Variants in PRKCH observed in about 807,000 individuals in gnomAD.
PRKCH encodes the protein protein kinase C eta type.
A neutral mutation model predicts 82.5 loss-of-function variants in PRKCH; 28 were observed. The ratio of observed to expected loss-of-function variants is 0.34; its 90% confidence interval spans 0.25 to 0.47. The LOEUF (loss-of-function observed/expected upper bound fraction) is 0.47. Among genes scored for constraint, PRKCH ranks in the 20% least tolerant of loss-of-function variants. The pLI is 1.00. For missense variants in PRKCH, 705 were observed against 881.8 expected (o/e 0.80, Z 2.54); for synonymous variants, 322 against 327.4 (o/e 0.98, Z 0.18).
chr14:61,211,849 TG>T (rs1377083874), intron 1 of PRKCH, among the ~76,000 whole-genome samples: 1 of 152,114 alleles, frequency 6.6e-6, no homozygotes, highest in African/African-American at 2.4e-5. Context: ...TAAAATCCCT[TG>T]AAACTCAGAG....
rs113969377 is a variant in PRKCH at position 61,352,658 on chromosome 14, AAG to A, written c.363+30216_363+30217del. Among the ~76,000 whole-genome samples, 1,134 of 138,814 alleles carry A rather than the reference AAG, an allele frequency of 8.2e-3. 16 individuals are homozygous for A. Among genetic ancestry groups the A allele is most frequent in the African/African-American group, 0.03 (1,064 of 35,418 alleles). The allele number at this position is 138,814 out of a possible 152,430, so 91.1% of individuals were successfully genotyped here. A position where few individuals can be genotyped will look rare whatever the true frequency, so the allele number is the denominator to read the frequency against. ...CCATCTCAAAAGAAAGAAAGAAAGA[AAG>A]AGAGAGAGAGAGAGAGAGAGAAAGG... On this transcript the variant is annotated intron_variant, in intron 1 of 13. Coordinates refer to ENST00000332981, the MANE Select transcript of PRKCH (RefSeq NM_006255.5).
chr14:61,206,721 G>A (rs541888416), intron 1 of PRKCH, among the ~76,000 whole-genome samples: 3 of 152,222 alleles, frequency 2.0e-5, no homozygotes, highest in African/African-American at 7.2e-5. Context: ...CCAGAGAAAG[G>A]TGAAGGTGAC....
chr14:61,459,681 A>G (rs955573250), intron 9 of PRKCH, among the ~76,000 whole-genome samples: 12 of 152,240 alleles, frequency 7.9e-5, no homozygotes, highest in Non-Finnish European at 1.8e-4. Flanking sequence ...CCAAATATTC[A>G]TATCCTTTCT....
intron 1 of PRKCH, among the ~76,000 whole-genome samples, chr14:61,227,335 C>A (rs111249588): frequency 7.2e-5 from 11 of 152,358 alleles, no homozygotes; most frequent in African/African-American, 2.6e-4. Flanking sequence ...TGGCTCACGC[C>A]TGTAATCCCA....
At chr14:61,321,264 G>A (rs2045615973), upstream of PRKCH, among the ~76,000 whole-genome samples, 1 of 152,218 alleles carries the variant, frequency 6.6e-6, no homozygotes, top group Non-Finnish European at 1.5e-5. This position sits in a 1 kb window ranked among gnomAD's most constrained non-coding sequence, Gnocchi z 4.1. Context: ...ACTCCTCGCC[G>A]CGCGGGTTCC....
intron 1 of PRKCH, among the ~76,000 whole-genome samples, chr14:61,226,216 G>A (rs950568536): frequency 1.3e-5 from 2 of 152,146 alleles, no homozygotes; most frequent in Non-Finnish European, 2.9e-5. Flanking sequence ...TCTGAGCCAG[G>A]CACTGTGTTA....
chr14:61,475,082 TGTG>T (rs1166770400), intron 9 of PRKCH, among the ~76,000 whole-genome samples: 3 of 152,214 alleles, frequency 2.0e-5, no homozygotes, highest in Admixed American at 2.0e-4. Context: ...GAAATGAAAT[TGTG>T]GTTGTCTTAA....
chr14:61,215,529 C>T (rs1308545546), intron 1 of PRKCH, among the ~76,000 whole-genome samples: 1 of 152,080 alleles, frequency 6.6e-6, no homozygotes, highest in Non-Finnish European at 1.5e-5. Context: ...TCTCTCTCTC[C>T]CTCTTGACAT....
At chr14:61,263,847 TTGTGTGTGTG>T (rs56280986) in intron 1 of PRKCH, among the ~76,000 whole-genome samples, 6,427 of 144,238 alleles carry the variant, frequency 0.045, 145 homozygotes, top group Middle Eastern at 0.059. Context: ...AGTCAGAGTA[TTGTGTGTGTG>T]TGTGTGTGTG....
At chr14:61,191,557 C>T (rs1427439747) in intron 1 of PRKCH, among the ~76,000 whole-genome samples, 1 of 152,082 alleles carries the variant, frequency 6.6e-6, no homozygotes, top group Non-Finnish European at 1.5e-5. Context: ...CCTGTAATCC[C>T]AGCTACTCAG....
chr14:61,345,342 A>G (rs1400401733), intron 1 of PRKCH, among the ~76,000 whole-genome samples: 1 of 152,206 alleles, frequency 6.6e-6, no homozygotes, highest in Non-Finnish European at 1.5e-5. Context: ...TGAAAAGAGT[A>G]TACGTTGTTA....
chr14:61,325,316 A>T (rs781172835), intron 1 of PRKCH, among the ~76,000 whole-genome samples: 7 of 152,242 alleles, frequency 4.6e-5, no homozygotes, highest in Non-Finnish European at 1.0e-4. Context: ...ATAGATCCAC[A>T]CATATATGAC....
intron 2 of PRKCH, among the ~76,000 whole-genome samples, chr14:61,415,687 C>T (rs1219340594): frequency 6.6e-6 from 1 of 152,130 alleles, no homozygotes; most frequent in African/African-American, 2.4e-5. Context: ...ATAAAATGCA[C>T]ATAAAAATCT....
chr14:61,487,936 G>A (rs1459435598), intron 10 of PRKCH, among the ~76,000 whole-genome samples: 3 of 151,970 alleles, frequency 2.0e-5, no homozygotes, highest in Non-Finnish European at 4.4e-5. Context: ...GGCGGATCAC[G>A]AGGTCAGGAG....
chr14:61,321,229 G>A (rs2045615130), upstream of PRKCH, among the ~76,000 whole-genome samples: 1 of 152,258 alleles, frequency 6.6e-6, no homozygotes, highest in African/African-American at 2.4e-5. The surrounding 1 kb of genome is among the most constrained non-coding windows in gnomAD (Gnocchi z 4.1). Flanking sequence ...GCCCACCGGG[G>A]AGGTTGGGAG....
chr14:61,329,234 C>CTTTTTTTT (rs71117812), intron 1 of PRKCH, among the ~76,000 whole-genome samples: 38,358 of 63,326 alleles, frequency 0.61, 15,771 homozygotes, highest in Non-Finnish European at 0.76. Context: ...ACTCCTGAGT[C>CTTTTTTTT]TTTTTTTTTT....
chr14:61,199,021 A>G (rs892180340), intron 1 of PRKCH, among the ~76,000 whole-genome samples: 4 of 152,178 alleles, frequency 2.6e-5, no homozygotes, highest in Non-Finnish European at 4.4e-5. Flanking sequence ...CCAAGCTTAC[A>G]CACAATGGGG....
In PRKCH at chr14:61,221,939, C is replaced by T. The variant is rs938550737; in HGVS notation, c.-19+34271C>T. On this transcript the variant is annotated intron_variant, in intron 1 of 3. Transcript: ENST00000555185. ...CCTGGGAGAATATTTATAATCCAAA[C>T]GGTCCACAGAGATTGCCATCCCATG... Among the ~76,000 whole-genome samples, 9 of 152,266 alleles carry T rather than the reference C, an allele frequency of 5.9e-5. No homozygotes were observed. In the South Asian group the frequency reaches 6.2e-4, roughly 11 times the overall value.
intron 1 of PRKCH, among the ~76,000 whole-genome samples, chr14:61,309,867 T>C (rs976547380): frequency 6.6e-6 from 1 of 152,150 alleles, no homozygotes; most frequent in African/African-American, 2.4e-5. Context: ...CAGTTCCATA[T>C]GTCTGAGGAG....
Sources: gnomAD v4.1 joint callset for allele counts (sites outside exome capture counted in the v4.1 genomes callset) on GRCh38, gnomAD v4.1.1 for gene constraint, Gnocchi (gnomAD v3.1) non-coding constraint, MANE v1.5 for transcripts, NCBI Gene and HGNC (gene_info 2026-07-23, HGNC 2026-07-21) for gene names.